The following TCF7L1 variants were observed in gnomAD, a reference collection of about 807,000 sequenced individuals.
The protein encoded by TCF7L1 is transcription factor 7 like 1.
TCF7L1 carries 18 observed loss-of-function variants against 63.7 expected under a neutral mutation model. The observed-to-expected ratio is 0.28, with a 90% CI of 0.20 to 0.42. The LOEUF (loss-of-function observed/expected upper bound fraction) is 0.42. Ranked by LOEUF, TCF7L1 falls within the 10% of genes least tolerant of loss-of-function variation. The pLI, the probability that TCF7L1 is intolerant of heterozygous loss-of-function variation, is 1.00. For missense variants in TCF7L1, 654 were observed against 779.3 expected (o/e 0.84, Z 1.91); for synonymous variants, 355 against 340.9 (o/e 1.04, Z -0.46).
chr2:85,136,141 A>G (rs1446723354), intron 3 of TCF7L1, among the ~76,000 whole-genome samples: 3 of 152,184 alleles, frequency 2.0e-5, no homozygotes, highest in Non-Finnish European at 4.4e-5. Context: ...GCATCTGTGC[A>G]TCAGCCCTCA....
chr2:85,304,232 A>T (rs1370314195), intron 6 of TCF7L1, 23 bp from the exon 7 acceptor site: 2 of 1,606,930 alleles, frequency 1.2e-6, no homozygotes. Context: ...CAATATGCTG[A>T]CCAGATTTCC....
At chr2:85,238,275 G>A (rs1680238394) in intron 3 of TCF7L1, among the ~76,000 whole-genome samples, 1 of 152,170 alleles carries the variant, frequency 6.6e-6, no homozygotes, top group African/African-American at 2.4e-5. Context: ...AAGGGGAGGA[G>A]CCCCGAAGTC....
Position 85,159,752 on chromosome 2 carries a change from T to C in TCF7L1, c.441+25302T>C, listed in dbSNP as rs545016518. Among the ~76,000 whole-genome samples, 10 of 152,330 alleles carry C rather than the reference T, an allele frequency of 6.6e-5. No individual in the cohort carries two copies. The East Asian group carries it at 1.5e-3, about 24-fold the overall frequency. On this transcript the variant is annotated intron_variant, in intron 3 of 11. Coordinates refer to ENST00000282111, the MANE Select transcript of TCF7L1 (RefSeq NM_031283.3). ...GGGTGAAGTGTAACATCTGGCCTTC[T>C]CCAAGTCCCTCTCACAGCAGGCCTG...
At chr2:85,290,823 A>AG (rs1284353502) in intron 4 of TCF7L1, among the ~76,000 whole-genome samples, 2 of 152,186 alleles carry the variant, frequency 1.3e-5, no homozygotes, top group Admixed American at 6.5e-5. Context: ...CTGCTAGCAG[A>AG]GTTCTATTCA....
chr2:85,276,659 G>C (rs1362425756), intron 3 of TCF7L1, among the ~76,000 whole-genome samples: 1 of 152,042 alleles, frequency 6.6e-6, no homozygotes, highest in Non-Finnish European at 1.5e-5. Flanking sequence ...GCTTCAGGCA[G>C]AGGCTGTTCA....
At chr2:85,227,860 C>T (rs1037830058) in intron 3 of TCF7L1, among the ~76,000 whole-genome samples, 2 of 151,658 alleles carry the variant, frequency 1.3e-5, no homozygotes, top group African/African-American at 2.4e-5. Context: ...GGCGTGGTGC[C>T]GTGCACCTGT....
At chr2:85,186,754 A>C (rs1365929613) in intron 3 of TCF7L1, 1 of 152,192 alleles carries the variant, frequency 6.6e-6, no homozygotes, top group Non-Finnish European at 1.5e-5. Context: ...ATTCCATAAA[A>C]CGTGTATGTA....
In TCF7L1 at chr2:85,306,900, G is replaced by A. The variant is rs200467680; in HGVS notation, c.1257+341G>A. ...AGGATGGTCTCGAGCTCCTGACCTC[G>A]TGATCCGCCCACCTCGGCCTCCCAA... On this transcript the variant is annotated intron_variant, in intron 10 of 11. Coordinates refer to ENST00000282111, the MANE Select transcript of TCF7L1 (RefSeq NM_031283.3). The surrounding 1 kb of genome is among the most constrained non-coding windows in gnomAD (Gnocchi z 4.3). 9.9e-5 allele frequency among the ~76,000 whole-genome samples: 15 copies of A among 152,284 alleles called. No individual in the cohort carries two copies. In the East Asian group the frequency reaches 2.5e-3, roughly 26 times the overall value.
At chr2:85,273,756 C>A (rs1681208633) in intron 3 of TCF7L1, among the ~76,000 whole-genome samples, 1 of 152,120 alleles carries the variant, frequency 6.6e-6, no homozygotes, top group Admixed American at 6.5e-5. Flanking sequence ...AGCATGGGCC[C>A]CTTGAGTCGG....
chr2:85,134,458 C>T lies in TCF7L1; in HGVS notation c.441+8C>T. ...CCCGGAGGAGCGCGCACCGTGAGTG[C>T]CCGTCGGGCGCGCCGGGGAGGGTGG... On this transcript the variant is annotated splice_region_variant and intron_variant, in intron 3 of 11. Transcript: ENST00000282111. This position sits in a 1 kb window ranked among gnomAD's most constrained non-coding sequence, Gnocchi z 5.0. 11 of 1,550,442 alleles carry T rather than the reference C, an allele frequency of 7.1e-6. No homozygotes were observed. Among genetic ancestry groups the T allele is most frequent in the Non-Finnish European group, 8.7e-6 (10 of 1,146,810 alleles).
chr2:85,281,697 G>C (rs1167513044), intron 3 of TCF7L1, among the ~76,000 whole-genome samples: 5 of 152,126 alleles, frequency 3.3e-5, no homozygotes, highest in Non-Finnish European at 2.9e-5. Flanking sequence ...AATTCATAGG[G>C]CTTCGTTCCC....
chr2:85,151,408 CCT>C (rs1318045955), intron 3 of TCF7L1, among the ~76,000 whole-genome samples: 1 of 151,882 alleles, frequency 6.6e-6, no homozygotes, highest in Non-Finnish European at 1.5e-5. Context: ...TCTCCCATTC[CCT>C]CTCTCCTTTT....
intron 3 of TCF7L1, among the ~76,000 whole-genome samples, chr2:85,216,412 C>T (rs1024639198): frequency 3.3e-5 from 5 of 152,148 alleles, no homozygotes; most frequent in African/African-American, 7.2e-5. Context: ...CTGGGAACCT[C>T]GCGCCCTGCT....
At chr2:85,150,256 CG>C (rs1299773156) in intron 3 of TCF7L1, among the ~76,000 whole-genome samples, 3 of 145,854 alleles carry the variant, frequency 2.1e-5, no homozygotes, top group African/African-American at 7.6e-5. Context: ...TTTTTTGAGA[CG>C]GAGTCTCGCT....
chr2:85,287,393 T>C (rs1406681635), intron 4 of TCF7L1, among the ~76,000 whole-genome samples: 1 of 152,194 alleles, frequency 6.6e-6, no homozygotes, highest in African/African-American at 2.4e-5. Flanking sequence ...AGAAAAAATA[T>C]ATAAAATCCC....
At chr2:85,277,926 G>A (rs1466081705) in intron 3 of TCF7L1, among the ~76,000 whole-genome samples, 4 of 152,140 alleles carry the variant, frequency 2.6e-5, no homozygotes, top group Non-Finnish European at 4.4e-5. Context: ...GGGTGAGGAC[G>A]GCTGGGGCGG....
intron 3 of TCF7L1, among the ~76,000 whole-genome samples, chr2:85,138,875 G>C (rs529134179): frequency 3.4e-4 from 51 of 152,228 alleles, no homozygotes; most frequent in African/African-American, 1.2e-3. Flanking sequence ...AAATAAAAAA[G>C]AGTATAAATG....
chr2:85,144,751 A>ATG (rs957076937), intron 3 of TCF7L1, among the ~76,000 whole-genome samples: 8 of 141,492 alleles, frequency 5.7e-5, no homozygotes, highest in African/African-American at 1.3e-4. Flanking sequence ...GTGTGTGTGT[A>ATG]TGTGTGTGTG....
intron 3 of TCF7L1, among the ~76,000 whole-genome samples, chr2:85,136,047 G>T (rs1372489164): frequency 6.6e-6 from 1 of 152,056 alleles, no homozygotes; most frequent in African/African-American, 2.4e-5. Flanking sequence ...GTAACTTTGC[G>T]TATGGGGGAG....
Sources: allele counts gnomAD v4.1 joint callset (sites outside exome capture counted in the v4.1 genomes callset), GRCh38; gene constraint gnomAD v4.1.1; non-coding constraint Gnocchi (gnomAD v3.1); transcripts MANE v1.5; gene names NCBI Gene and HGNC (gene_info 2026-07-23, HGNC 2026-07-21).